The following ACYP2 variants were observed in gnomAD, a reference collection of about 807,000 sequenced individuals.
ACYP2 encodes acylphosphatase 2.
In ACYP2, 12 loss-of-function variants were observed where a neutral mutation model predicts 11.2. The observed-to-expected ratio is 1.08, with a 90% CI of 0.69 to 1.74. The LOEUF (loss-of-function observed/expected upper bound fraction) is 1.74. ACYP2 is among the 40% of genes most tolerant of loss of function. The probability of loss-of-function intolerance (pLI) is 0.00; values close to 1 mark genes in which losing one functional copy is unlikely to be tolerated. For synonymous variants in ACYP2, 43 were observed against 32.2 expected (o/e 1.33, Z -1.13); for missense variants, 134 against 101.9 (o/e 1.31, Z -1.35).
intron 6 of ACYP2, among the ~76,000 whole-genome samples, chr2:54,162,706 C>G (rs548743774): frequency 1.3e-3 from 198 of 152,298 alleles, no homozygotes; most frequent in African/African-American, 4.5e-3. Context: ...TGGCTCACCC[C>G]CATAATCCCA....
At chr2:54,122,542 G>T (rs889836960) in intron 4 of ACYP2, among the ~76,000 whole-genome samples, 1 of 152,206 alleles carries the variant, frequency 6.6e-6, no homozygotes, top group Admixed American at 6.5e-5. Context: ...AAAGCCCATA[G>T]ATAAATCTCC....
At chr2:53,995,489 T>TTTAG (rs1264021102) in intron 2 of ACYP2, among the ~76,000 whole-genome samples, 1,339 of 48,746 alleles carry the variant, frequency 0.027, 16 homozygotes, top group African/African-American at 0.1. Context: ...TTATTTATTT[T>TTTAG]TTATTTATTT....
At chr2:54,026,543 C>T (rs1182943650) in intron 2 of ACYP2, among the ~76,000 whole-genome samples, 1 of 140,250 alleles carries the variant, frequency 7.1e-6, no homozygotes, top group Non-Finnish European at 1.6e-5. Flanking sequence ...TTTGATCCAG[C>T]AATCCCATTA....
chr2:54,093,785 A>C (rs1678364692), intron 4 of ACYP2, among the ~76,000 whole-genome samples: 1 of 152,192 alleles, frequency 6.6e-6, no homozygotes, highest in Non-Finnish European at 1.5e-5. Flanking sequence ...CTAAAAATAC[A>C]AAAAATTAGC....
At chr2:54,171,420 A>C (rs148163433) in intron 6 of ACYP2, among the ~76,000 whole-genome samples, 166 of 152,328 alleles carry the variant, frequency 1.1e-3, no homozygotes, top group African/African-American at 3.7e-3. Context: ...TATCTTCTCT[A>C]TTAAGCAAAT....
intron 2 of ACYP2, among the ~76,000 whole-genome samples, chr2:53,988,844 C>T (rs1478079963): frequency 6.6e-6 from 1 of 152,092 alleles, no homozygotes. Context: ...CTCCCGGGTT[C>T]ATGCGATTTT....
chr2:54,161,370 C>T (rs7574651), intron 6 of ACYP2, among the ~76,000 whole-genome samples: 35,981 of 152,042 alleles, frequency 0.24, 4,878 homozygotes, highest in South Asian at 0.38. Context: ...TTCCAATGAG[C>T]AGCCAGGTCT....
chr2:54,214,185 T>C (rs1099438), intron 6 of ACYP2, among the ~76,000 whole-genome samples: 38,209 of 152,082 alleles, frequency 0.25, 5,058 homozygotes, highest in South Asian at 0.41. Context: ...TTCCATTCCA[T>C]AGGTTGTCTG....
intron 6 of ACYP2, among the ~76,000 whole-genome samples, chr2:54,273,626 A>G (rs1688413789): frequency 6.6e-6 from 1 of 151,968 alleles, no homozygotes; most frequent in South Asian, 2.1e-4. Context: ...CACTACGCCC[A>G]TCTAATTTTT....
intron 4 of ACYP2, among the ~76,000 whole-genome samples, chr2:54,058,866 G>T (rs1286109983): frequency 6.6e-6 from 1 of 152,124 alleles, no homozygotes; most frequent in Non-Finnish European, 1.5e-5. Context: ...CTGGGAGGAG[G>T]GATGTTTATC....
At chr2:54,286,550 C>T (rs1157301355) in intron 6 of ACYP2, among the ~76,000 whole-genome samples, 1 of 152,018 alleles carries the variant, frequency 6.6e-6, no homozygotes, top group Non-Finnish European at 1.5e-5. Flanking sequence ...AGAGAACAAT[C>T]CTCCTTTCAC....
Position 54,137,292 on chromosome 2 carries a change from A to G in ACYP2, c.295-1347A>G, listed in dbSNP as rs2103780015. ...TTTCTTTCTTTTTTAAAAAAAAATT[A>G]TTTTAGGTTCAGCGGTACTCATATA... On this transcript the variant is annotated intron_variant, in intron 5 of 6. Transcript: ENST00000607452. 1.3e-5 allele frequency among the ~76,000 whole-genome samples: 2 copies of G among 152,260 alleles called. 1 individual carries two copies. Among genetic ancestry groups the G allele is most frequent in the South Asian group, 4.1e-4 (2 of 4,830 alleles).
At chr2:54,090,123 C>T (rs186432797) in intron 4 of ACYP2, among the ~76,000 whole-genome samples, 4 of 150,296 alleles carry the variant, frequency 2.7e-5, no homozygotes, top group Middle Eastern at 3.4e-3. Flanking sequence ...CCAGCCTGAG[C>T]GACAGAATGA....
intron 4 of ACYP2, among the ~76,000 whole-genome samples, chr2:54,108,013 C>T (rs1442815846): frequency 6.6e-6 from 1 of 152,140 alleles, no homozygotes; most frequent in African/African-American, 2.4e-5. Context: ...CTCCGGGACC[C>T]GCCAAGCTTG....
intron 4 of ACYP2, among the ~76,000 whole-genome samples, chr2:54,106,613 C>T (rs1315582073): frequency 6.6e-6 from 1 of 150,682 alleles, no homozygotes; most frequent in African/African-American, 2.4e-5. Context: ...TGGAGTCTTG[C>T]TCTTGTTGCC....
intron 2 of ACYP2, among the ~76,000 whole-genome samples, chr2:54,014,886 A>G (rs1432084510): frequency 6.6e-6 from 1 of 151,988 alleles, no homozygotes; most frequent in Non-Finnish European, 1.5e-5. Flanking sequence ...CAGCCTCTCA[A>G]AGTGCTGAGA....
chr2:54,019,823 T>C (rs1404638722), intron 2 of ACYP2, among the ~76,000 whole-genome samples: 3 of 151,360 alleles, frequency 2.0e-5, no homozygotes, highest in Non-Finnish European at 4.4e-5. Flanking sequence ...TTTTACCATG[T>C]TGATCAGGTT....
At chr2:54,272,401 C>T (rs1318282865) in intron 6 of ACYP2, among the ~76,000 whole-genome samples, 3 of 152,150 alleles carry the variant, frequency 2.0e-5, no homozygotes, top group Admixed American at 6.5e-5. Context: ...GAGCTGAATC[C>T]GCTCGCCTGC....
At chr2:54,112,068 G>A (rs1351535145) in intron 4 of ACYP2, among the ~76,000 whole-genome samples, 2 of 151,980 alleles carry the variant, frequency 1.3e-5, no homozygotes, top group Non-Finnish European at 2.9e-5. Flanking sequence ...GTCATATATA[G>A]ATAATACACA....
Sources: gnomAD v4.1 joint callset for allele counts (sites outside exome capture counted in the v4.1 genomes callset) on GRCh38, gnomAD v4.1.1 for gene constraint, MANE v1.5 for transcripts, NCBI Gene and HGNC (gene_info 2026-07-23, HGNC 2026-07-21) for gene names.